Variants in ZNF398 observed in about 807,000 individuals in gnomAD.
ZNF398 encodes the protein zinc finger DNA binding protein ZER6.
Under a neutral mutation model 41.9 loss-of-function variants are expected in ZNF398, and 18 were observed. The observed-to-expected ratio is 0.43, with a 90% CI of 0.30 to 0.64. The LOEUF is 0.64. Among genes scored for constraint, ZNF398 ranks in the 30% least tolerant of loss-of-function variants. The probability of loss-of-function intolerance (pLI) is 0.14; values close to 1 mark genes in which losing one functional copy is unlikely to be tolerated. For synonymous variants in ZNF398, 260 were observed against 308.8 expected, an observed-to-expected ratio of 0.84 and a Z score of 1.66; for missense variants, 669 against 822.8, an observed-to-expected ratio of 0.81 and a Z score of 2.29.
At chr7:149,173,543 T>A (rs1467315962) in intron 4 of ZNF398, among the ~76,000 whole-genome samples, 1 of 152,184 alleles carries the variant, frequency 6.6e-6, no homozygotes, top group Non-Finnish European at 1.5e-5. Flanking sequence ...GGCTGTAGAA[T>A]GGATGTTGTT....
rs867616148 is a variant in ZNF398 at position 149,166,223 on chromosome 7, A to G, written c.486A>G (p.Glu162=). The G allele has an allele frequency of 9.9e-6, 16 of 1,614,170 alleles. 2 individuals carry two copies. The Middle Eastern group carries it at 2.6e-3, about 266-fold the overall frequency. Residue 162 remains glutamate, a synonymous_variant, in exon 3 of 6, where the codon GAA becomes GAG. Transcript: ENST00000475153. ...FSTPEWEKLE[E]WQKELYKNIM... ...CTCCAGAGTGGGAAAAATTAGAAGA[A>G]TGGCAAAAGGAACTTTACAAGAATA...
Position 149,178,708 on chromosome 7 carries a change from C to T in ZNF398, c.836C>T (p.Pro279Leu), listed in dbSNP as rs1436738110. 6.2e-7 allele frequency: 1 copy of T among 1,614,072 alleles called. No individual in the cohort carries two copies. Among genetic ancestry groups the T allele is most frequent in the Non-Finnish European group, 8.5e-7 (1 of 1,180,050 alleles). Reference protein sequence around the residue: ...LARSSLCPEVPVPFSSPPAAA... With the variant: ...LARSSLCPEVLVPFSSPPAAA... ...AGATCCTCGTTGTGCCCTGAGGTTC[C>T]AGTCCCTTTCTCTTCTCCACCAGCA... is the stretch of plus-strand genomic sequence containing the variant. Residue 279 changes from proline (P) to leucine (L), a missense_variant, in exon 6 of 6, where the codon CCA becomes CTA. Coordinates refer to ENST00000475153, the MANE Select transcript of ZNF398 (RefSeq NM_170686.3).
rs1325255159 is a variant in ZNF398, at chr7:149,154,327, G to C, written c.407G>C (p.Gly136Ala). Residue 136 changes from glycine (G) to alanine (A), a missense_variant, in exon 2 of 6, where the codon GGA becomes GCA. Transcript: ENST00000475153. Reference sequence around the variant, plus strand: ...CTGCGGCTCCCTCCAGGTATTAAGGGAGATATCCCAAAGGTAATACCTTCA... The same window carrying C: ...CTGCGGCTCCCTCCAGGTATTAAGGCAGATATCCCAAAGGTAATACCTTCA... ...WILRLPPGIK[G>A]DIPKVPVAFD... The C allele has an allele frequency of 1.2e-6, 2 of 1,612,044 alleles. No individual in the cohort carries two copies. The highest frequency in any genetic ancestry group is 2.2e-5 in the South Asian group (2 of 90,936).
chr7:149,163,922 A>T (rs1795169294), intron 2 of ZNF398, among the ~76,000 whole-genome samples: 1 of 151,418 alleles, frequency 6.6e-6, no homozygotes, highest in South Asian at 2.1e-4. Context: ...GCCCCACCTG[A>T]CCAATATGGT....
chr7:149,145,032 A>T (rs1014220714), upstream of ZNF398, among the ~76,000 whole-genome samples: 4 of 152,192 alleles, frequency 2.6e-5, no homozygotes, highest in African/African-American at 9.6e-5. Context: ...CCATCTGACA[A>T]ATATGTATAT....
chr7:149,165,911 T>G (rs981738812), intron 2 of ZNF398, among the ~76,000 whole-genome samples: 3 of 152,200 alleles, frequency 2.0e-5, no homozygotes, highest in Non-Finnish European at 4.4e-5. Context: ...ACCAAAATAC[T>G]CGAATGTGCC....
At chr7:149,157,122 G>T (rs1173308882) in intron 2 of ZNF398, among the ~76,000 whole-genome samples, 1 of 152,074 alleles carries the variant, frequency 6.6e-6, no homozygotes, top group Non-Finnish European at 1.5e-5. Flanking sequence ...TCCTTGAGGG[G>T]AATACCTTGG....
chr7:149,164,070 T>C (rs1406825245), intron 2 of ZNF398, among the ~76,000 whole-genome samples: 2 of 148,444 alleles, frequency 1.3e-5, no homozygotes, highest in African/African-American at 2.5e-5. Context: ...CGAGATAGCG[T>C]CACTGCACTC....
In ZNF398 at chr7:149,147,670, C is replaced by CT. The variant is rs1347561408; in HGVS notation, c.-71dup. The CT allele has an allele frequency of 3.2e-6, 4 of 1,264,134 alleles. No homozygotes were observed. The highest frequency in any genetic ancestry group is 3.1e-5 in the African/African-American group (2 of 63,854). The allele number at this position is 1,264,134 out of a possible 1,614,324, so 78.3% of individuals were successfully genotyped here. A position where few individuals can be genotyped will look rare whatever the true frequency, so the allele number is the denominator to read the frequency against. ...GGAGAGGACCCGGCGGCCGGGCCTG[C>CT]TTGGAGCCGGGCGCGGTGGCAGCGG... is the stretch of plus-strand genomic sequence containing the variant. On this transcript the variant is annotated 5_prime_UTR_variant, in exon 1 of 6. Transcript: ENST00000475153. This position sits in a 1 kb window ranked among gnomAD's most constrained non-coding sequence, Gnocchi z 5.6.
chr7:149,166,561 C>G (rs1337743280), intron 3 of ZNF398, among the ~76,000 whole-genome samples: 1 of 152,186 alleles, frequency 6.6e-6, no homozygotes, highest in African/African-American at 2.4e-5. Context: ...TGACTTCTCC[C>G]CCTTGAGGCA....
chr7:149,166,130 G>T, intron 2 of ZNF398, 28 bp from the exon 3 acceptor site: 1 of 1,607,736 alleles, frequency 6.2e-7, no homozygotes, highest in Non-Finnish European at 8.5e-7. Context: ...ATAATGGAAG[G>T]GACTAACCCA....
At chr7:149,139,498 A>T (rs2129519532) in intron 2 of ZNF398, among the ~76,000 whole-genome samples, 1 of 142,800 alleles carries the variant, frequency 7.0e-6, no homozygotes, top group South Asian at 2.3e-4. Context: ...TGAGGCGGGC[A>T]CATCATGACG....
At chr7:149,165,448 T>C (rs907022557) in intron 2 of ZNF398, among the ~76,000 whole-genome samples, 2 of 152,144 alleles carry the variant, frequency 1.3e-5, no homozygotes, top group Non-Finnish European at 2.9e-5. Flanking sequence ...GTGAAAACAA[T>C]TGAAGAGATG....
chr7:149,148,537 A>T, intron 1 of ZNF398: 2 of 952,340 alleles, frequency 2.1e-6, no homozygotes, highest in Non-Finnish European at 2.5e-6. Flanking sequence ...ACCCTGGCAC[A>T]TGAGGGGTGA....
chr7:149,136,493 T>C (rs1826716614), intron 2 of ZNF398, among the ~76,000 whole-genome samples: 1 of 152,220 alleles, frequency 6.6e-6, no homozygotes. Context: ...TGGGTTCAGG[T>C]TCATTTTTTT....
chr7:149,178,654 A>C lies in ZNF398; in HGVS notation c.782A>C (p.Glu261Ala). ...CTGGAGTCTTTTCTTTCAGATGAAG[A>C]GCTTGTCATCAAAGCTGAAGGCCTT... Reference protein sequence around the residue: ...DVYKSTYADEELVIKAEGLAR... With the variant: ...DVYKSTYADEALVIKAEGLAR... Residue 261 changes from glutamate (E) to alanine (A), a missense_variant, in exon 6 of 6, where the codon GAG (glutamate) becomes GCG (alanine). Coordinates refer to ENST00000475153, the MANE Select transcript of ZNF398 (RefSeq NM_170686.3). The C allele has an allele frequency of 1.2e-6, 2 of 1,612,014 alleles. No homozygotes were observed. The highest frequency in any genetic ancestry group is 1.7e-6 in the Non-Finnish European group (2 of 1,179,206).
intron 2 of ZNF398, among the ~76,000 whole-genome samples, chr7:149,162,559 A>G (rs2129520886): frequency 6.6e-6 from 1 of 152,078 alleles, no homozygotes; most frequent in East Asian, 1.9e-4. Flanking sequence ...CGAACTCCTA[A>G]CCTCAAGTGA....
intron 5 of ZNF398, among the ~76,000 whole-genome samples, chr7:149,177,848 T>C (rs947253318): frequency 3.3e-5 from 5 of 152,138 alleles, no homozygotes; most frequent in African/African-American, 1.2e-4. Flanking sequence ...AGAGGTACAG[T>C]GTTAAATTTT....
At chr7:149,176,216 G>A (rs985977173) in intron 4 of ZNF398, among the ~76,000 whole-genome samples, 14 of 152,092 alleles carry the variant, frequency 9.2e-5, no homozygotes, top group African/African-American at 1.9e-4. Context: ...GGTGGCAGGC[G>A]CCTGTAGTCC....
Sources: allele counts gnomAD v4.1 joint callset (sites outside exome capture counted in the v4.1 genomes callset), GRCh38; gene constraint gnomAD v4.1.1; non-coding constraint Gnocchi (gnomAD v3.1); transcripts MANE v1.5; gene names NCBI Gene and HGNC (gene_info 2026-07-23, HGNC 2026-07-21).